TMEM43: variants seen among roughly 807,000 people sequenced by gnomAD.
TMEM43 encodes arrhythmogenic right ventricular dysplasia 5.
A neutral mutation model predicts 49.6 loss-of-function variants in TMEM43; 45 were observed. That is an observed-to-expected ratio of 0.91 (90% CI 0.71 to 1.16). The LOEUF (loss-of-function observed/expected upper bound fraction) is 1.16. TMEM43 is among the 50% of genes most tolerant of loss of function. TMEM43 has a pLI of 0.00. For synonymous variants in TMEM43, 199 were observed against 207.8 expected (o/e 0.96, Z 0.36); for missense variants, 532 against 516.6 (o/e 1.03, Z -0.29).
chr3:14,125,073 T>G lies in TMEM43; in HGVS notation c.-121T>G, dbSNP rs903187822. The G allele has an allele frequency of 7.6e-7, 1 of 1,308,372 alleles. No homozygotes were observed. The highest frequency in any genetic ancestry group is 1.1e-6 in the Non-Finnish European group (1 of 927,980). The allele number at this position is 1,308,372 out of a possible 1,614,324, so 81.0% of individuals were successfully genotyped here. A position where few individuals can be genotyped will look rare whatever the true frequency, so the allele number is the denominator to read the frequency against. On this transcript the variant is annotated 5_prime_UTR_variant, in exon 1 of 12. Transcript: ENST00000306077. Reference sequence around the variant, plus strand: ...AACTGCAGTAAGTCCCGCTTGGCCCTGGAGTCCACGCGGATTTTCGAAGCT... The same window carrying G: ...AACTGCAGTAAGTCCCGCTTGGCCCGGGAGTCCACGCGGATTTTCGAAGCT...
At position 14,129,557 on chromosome 3, in the gene TMEM43, A is replaced by G; in HGVS notation, c.158A>G (p.Asn53Ser). 1 of 1,613,926 alleles carries G rather than the reference A, an allele frequency of 6.2e-7. No individual in the cohort carries two copies. ...CTCTCCTTCTACCTAATTTTCACCA[A>G]TGAGGTAAAATGTCTGGGGTCTTCC... ...FLLSFYLIFT[N>S]EGRALKTATS... is the part of the protein sequence containing the mutation. Residue 53 changes from asparagine to serine, a missense_variant, in exon 2 of 12, where the codon AAT (asparagine) becomes AGT (serine). Coordinates refer to ENST00000306077, the MANE Select transcript of TMEM43 (RefSeq NM_024334.3).
In TMEM43 at chr3:14,132,538, C is replaced by T. The variant is rs770609078; in HGVS notation, c.393-8C>T. ...CTAACCCCCGTGGCTGCTTTGCTTT[C>T]CCTGCAGGGAGTACACCGAGGATGG... On this transcript the variant is annotated splice_region_variant and splice_polypyrimidine_tract_variant and intron_variant, in intron 4 of 11. Coordinates refer to ENST00000306077, the MANE Select transcript of TMEM43 (RefSeq NM_024334.3). 2 of 1,614,130 alleles carry T rather than the reference C, an allele frequency of 1.2e-6. No individual in the cohort carries two copies. Among genetic ancestry groups the T allele is most frequent in the Non-Finnish European group, 1.7e-6 (2 of 1,180,012 alleles).
In TMEM43 at chr3:14,141,785, A is replaced by T; in HGVS notation, c.1193A>T (p.Lys398Met). The T allele has an allele frequency of 7.4e-6, 12 of 1,613,460 alleles. No individual in the cohort carries two copies. Among genetic ancestry groups the T allele is most frequent in the Non-Finnish European group, 1.0e-5 (12 of 1,179,994 alleles). Residue 398 changes from lysine to methionine, a missense_variant, in exon 12 of 12, where the codon AAG (lysine) becomes ATG (methionine). Physicochemically the swap from Lys to Met is moderately conservative, Grantham distance 95 (BLOSUM62 -1). Transcript: ENST00000306077. Reference sequence around the variant, plus strand: ...GCTCGGACACGGGTGCCAGCCAAAAAGTTGGAGTGAAAAGACCCTGGCACC... The same window carrying T: ...GCTCGGACACGGGTGCCAGCCAAAATGTTGGAGTGAAAAGACCCTGGCACC... ...LVARTRVPAK[K>M]LE
At position 14,137,394 on chromosome 3, in the gene TMEM43, A is replaced by T. The variant is rs550385545; in HGVS notation, c.882+1486A>T. Among the ~76,000 whole-genome samples, 292 of 152,274 alleles carry T rather than the reference A, an allele frequency of 1.9e-3. 3 individuals are homozygous for T. The highest frequency in any genetic ancestry group is 6.8e-3 in the African/African-American group (284 of 41,560). ...CAGCCGCCCCTCCAGAGAGGAGTGGATGGGGCCCATGGCTTAGGTAATGCC... is the reference window on the plus strand; with the variant it reads ...CAGCCGCCCCTCCAGAGAGGAGTGGTTGGGGCCCATGGCTTAGGTAATGCC... On this transcript the variant is annotated intron_variant, in intron 10 of 11. Coordinates refer to ENST00000306077, the MANE Select transcript of TMEM43 (RefSeq NM_024334.3).
chr3:14,131,711 G>T (rs773871092), intron 4 of TMEM43, 37 bp downstream of exon 4: 1 of 1,475,858 alleles, frequency 6.8e-7, no homozygotes, highest in South Asian at 1.1e-5. Context: ...TGGGGTAAAG[G>T]AGGAGTGAAG....
In TMEM43 at chr3:14,139,187, T is replaced by C; in HGVS notation, c.890T>C (p.Phe297Ser). 1 of 1,613,778 alleles carries C rather than the reference T, an allele frequency of 6.2e-7. No individual in the cohort carries two copies. The highest frequency in any genetic ancestry group is 8.5e-7 in the Non-Finnish European group (1 of 1,179,652). ...CCCCACCTTGTCCTGCAGGAGGTGT[T>C]TCATAGAGAACTAAGGAGCAACTCC... ...HHGDFSAEEV[F>S]HRELRSNSMK... Residue 297 changes from phenylalanine (F) to serine (S), a missense_variant, in exon 11 of 12, where the codon TTT (phenylalanine) becomes TCT (serine). Physicochemically the swap from Phe to Ser is radical, Grantham distance 155. Transcript: ENST00000306077.
chr3:14,131,391 G>C (rs907977662), intron 3 of TMEM43, among the ~76,000 whole-genome samples, 189 bp from the exon 4 acceptor site: 5 of 152,260 alleles, frequency 3.3e-5, no homozygotes, highest in Non-Finnish European at 7.3e-5. Flanking sequence ...CACAGTCACA[G>C]GCACTGTGTG....
At position 14,142,037 on chromosome 3, in the gene TMEM43, C is replaced by G; in HGVS notation, c.*242C>G. 1.8e-6 allele frequency: 1 copy of G among 566,028 alleles called. No homozygotes were observed. Among genetic ancestry groups the G allele is most frequent in the Admixed American group, 3.0e-5 (1 of 32,808 alleles). The allele number at this position is 566,028 out of a possible 1,614,324, so 35.1% of individuals were successfully genotyped here. A position where few individuals can be genotyped will look rare whatever the true frequency, so the allele number is the denominator to read the frequency against. ...GTGGGCAGCAGCAGCTCATGAATGG[C>G]AAGCTGACAGCTTCTCCTGCTGTTT... On this transcript the variant is annotated 3_prime_UTR_variant, in exon 12 of 12. Coordinates refer to ENST00000306077, the MANE Select transcript of TMEM43 (RefSeq NM_024334.3).
chr3:14,127,870 T>G (rs569001992), intron 1 of TMEM43, among the ~76,000 whole-genome samples: 2 of 152,236 alleles, frequency 1.3e-5, no homozygotes, highest in African/African-American at 4.8e-5. Flanking sequence ...GTCAAATCAC[T>G]CCTCTGGCCC....
chr3:14,141,195 G>C (rs1239848676), intron 11 of TMEM43, among the ~76,000 whole-genome samples: 1 of 152,208 alleles, frequency 6.6e-6, no homozygotes, highest in East Asian at 1.9e-4. Context: ...ATGGCTGAGA[G>C]GCCCAAATAG....
chr3:14,126,722 C>G (rs1176295990), intron 1 of TMEM43, among the ~76,000 whole-genome samples: 1 of 152,206 alleles, frequency 6.6e-6, no homozygotes, highest in East Asian at 1.9e-4. Context: ...TGACCCCTCA[C>G]CAAGGAATAT....
rs1574938211 is a variant in TMEM43 at position 14,132,810 on chromosome 3, T to A, written c.443-56T>A. ...AGATAGGAGGAGCTGGGCTGGTGGG[T>A]CTCAGCCGCGTGCCACTCCTACCCG... On this transcript the variant is annotated intron_variant, in intron 5 of 11. Coordinates refer to ENST00000306077, the MANE Select transcript of TMEM43 (RefSeq NM_024334.3). The A allele has an allele frequency of 1.4e-5, 22 of 1,547,730 alleles. No individual in the cohort carries two copies. In the South Asian group the frequency reaches 2.5e-4, roughly 17 times the overall value.
chr3:14,131,226 C>T (rs762899083), intron 3 of TMEM43, among the ~76,000 whole-genome samples: 11 of 152,244 alleles, frequency 7.2e-5, no homozygotes, highest in Non-Finnish European at 1.6e-4. Flanking sequence ...GGCTGGCACT[C>T]AGGGAGGTGC....
At chr3:14,128,873 C>G in intron 1 of TMEM43, 1 of 446,402 alleles carries the variant, frequency 2.2e-6, no homozygotes, top group South Asian at 1.6e-5. Context: ...TGGAAGCTGT[C>G]AAGATACCCA....
At chr3:14,141,566 A>T in intron 11 of TMEM43, 27 bp from the exon 12 acceptor site, 3 of 1,569,390 alleles carry the variant, frequency 1.9e-6, no homozygotes, top group Non-Finnish European at 2.6e-6. Flanking sequence ...AGCAGGTGGC[A>T]CCTCATCACC....
Position 14,142,611 on chromosome 3 carries a change from T to C in TMEM43, c.*816T>C, listed in dbSNP as rs1451579049. The C allele has an allele frequency of 6.6e-6, 1 of 152,658 alleles. No homozygotes were observed. The highest frequency in any genetic ancestry group is 2.4e-5 in the African/African-American group (1 of 41,454). The allele number at this position is 152,658 out of a possible 1,614,324, so 9.5% of individuals were successfully genotyped here. A position where few individuals can be genotyped will look rare whatever the true frequency, so the allele number is the denominator to read the frequency against. The stretch of plus-strand genomic sequence containing the variant: ...TCAGACTGTTACAGGAAACACCCTT[T>C]AGTCTGTCAGTTGAATTCAGAGCAC... On this transcript the variant is annotated 3_prime_UTR_variant, in exon 12 of 12. Coordinates refer to ENST00000306077, the MANE Select transcript of TMEM43 (RefSeq NM_024334.3).
chr3:14,126,939 TC>T (rs367952470), intron 1 of TMEM43, among the ~76,000 whole-genome samples: 5 of 152,074 alleles, frequency 3.3e-5, no homozygotes, highest in African/African-American at 9.7e-5. Context: ...GTAAACAGAA[TC>T]AGAGAGGTAG....
rs187262922 is a variant in TMEM43 at position 14,141,653 on chromosome 3, G to T, written c.1061G>T (p.Cys354Phe). ...VNIGLKAFAF[C>F]VATSLTLLTV... ...ATTGGCCTGAAAGCCTTTGCCTTCT[G>T]TGTGGCCACCTCGCTGACCCTGCTG... The change falls in exon 12 of 12, where the codon TGT (cysteine) becomes TTT (phenylalanine). Residue 354 changes from cysteine to phenylalanine, a missense_variant. By Grantham distance (205) the Cys-to-Phe change is radical. Transcript: ENST00000306077. 2.0e-5 allele frequency: 32 copies of T among 1,614,054 alleles called. No individual in the cohort carries two copies. Among genetic ancestry groups the T allele is most frequent in the African/African-American group, 4.0e-5 (3 of 74,912 alleles).
In TMEM43 at chr3:14,141,763, C is replaced by T. The variant is rs1574942204; in HGVS notation, c.1171C>T (p.Arg391Trp). ...GGCCCTTGTGCCCATCCTTGTTGCT[C>T]GGACACGGGTGCCAGCCAAAAAGTT... Reference protein sequence around the residue: ...GLALVPILVARTRVPAKKLE With the variant: ...GLALVPILVAWTRVPAKKLE The change falls in exon 12 of 12, where the codon CGG becomes TGG. Residue 391 changes from arginine (R) to tryptophan (W), a missense_variant. Arg to Trp is a moderately radical substitution (Grantham distance 101, BLOSUM62 -3). Coordinates refer to ENST00000306077, the MANE Select transcript of TMEM43 (RefSeq NM_024334.3). 6.8e-6 allele frequency: 11 copies of T among 1,613,934 alleles called. No individual in the cohort carries two copies. Among genetic ancestry groups the T allele is most frequent in the African/African-American group, 4.0e-5 (3 of 75,038 alleles).
Sources: gnomAD v4.1 joint callset for allele counts (sites outside exome capture counted in the v4.1 genomes callset) on GRCh38, gnomAD v4.1.1 for gene constraint, MANE v1.5 for transcripts, NCBI Gene and HGNC (gene_info 2026-07-23, HGNC 2026-07-21) for gene names.